Variants in FOXP2 observed in about 807,000 individuals in gnomAD.
The protein encoded by FOXP2 is forkhead box protein P2.
In FOXP2, 12 loss-of-function variants were observed where a neutral mutation model predicts 115.8. The ratio of observed to expected loss-of-function variants is 0.10; its 90% confidence interval spans 0.07 to 0.17. The LOEUF is 0.17. Ranked by LOEUF, FOXP2 falls within the 10% of genes least tolerant of loss-of-function variation. The pLI, the probability that FOXP2 is intolerant of heterozygous loss-of-function variation, is 1.00. For missense variants in FOXP2, 629 were observed against 843.5 expected, an observed-to-expected ratio of 0.75 and a Z score of 3.15; for synonymous variants, 328 against 297.7, an observed-to-expected ratio of 1.10 and a Z score of -1.05.
At chr7:114,538,413 G>C (rs772828997) in intron 3 of FOXP2, 1 of 1,255,192 alleles carries the variant, frequency 8.0e-7, no homozygotes, top group Admixed American at 2.3e-5. Context: ...TATCTTAGAT[G>C]AATATTAGTT....
At chr7:114,331,255 A>G (rs1306929182) in intron 2 of FOXP2, among the ~76,000 whole-genome samples, 1 of 152,128 alleles carries the variant, frequency 6.6e-6, no homozygotes, top group East Asian at 1.9e-4. Flanking sequence ...AAAATATACT[A>G]CCTGAGCCTG....
intron 8 of FOXP2, 113 bp from the exon 9 acceptor site, chr7:114,652,090 G>A: frequency 1.1e-6 from 1 of 937,520 alleles, no homozygotes; most frequent in Non-Finnish European, 1.7e-6. Context: ...AAGGCTTTCT[G>A]TTTTCCCAGT....
chr7:114,531,666 G>T (rs1452009885), intron 2 of FOXP2, among the ~76,000 whole-genome samples: 1 of 151,864 alleles, frequency 6.6e-6, no homozygotes, highest in African/African-American at 2.4e-5. Context: ...AAATAGGAAA[G>T]AAGTTATTTT....
At chr7:114,460,264 G>A (rs923612611) in intron 2 of FOXP2, among the ~76,000 whole-genome samples, 1 of 152,112 alleles carries the variant, frequency 6.6e-6, no homozygotes, top group Non-Finnish European at 1.5e-5. Flanking sequence ...TCTTCAGTAA[G>A]TAAGTTAGGT....
intron 2 of FOXP2, among the ~76,000 whole-genome samples, chr7:114,314,870 T>C (rs1797236870): frequency 6.6e-6 from 1 of 152,186 alleles, no homozygotes; most frequent in Non-Finnish European, 1.5e-5. Context: ...AAACTATTAA[T>C]AAAATGGATA....
intron 2 of FOXP2, among the ~76,000 whole-genome samples, chr7:114,346,094 A>G (rs951892817): frequency 2.6e-5 from 4 of 151,842 alleles, no homozygotes; most frequent in Non-Finnish European, 5.9e-5. Context: ...TTGTACTCCT[A>G]TTATGCAATT....
upstream of FOXP2, among the ~76,000 whole-genome samples, chr7:114,162,346 T>A (rs1792863089): frequency 6.6e-6 from 1 of 152,122 alleles, no homozygotes; most frequent in African/African-American, 2.4e-5. Context: ...TATGCTAGGA[T>A]GTCCAATATA....
In FOXP2 at chr7:114,690,980, G is replaced by C. The variant is rs756785808; in HGVS notation, c.*1054G>C. 3.5e-5 allele frequency: 16 copies of C among 454,450 alleles called. No homozygotes were observed. The highest frequency in any genetic ancestry group is 2.5e-4 in the South Asian group (16 of 64,478). The allele number at this position is 454,450 out of a possible 1,614,324, so 28.2% of individuals were successfully genotyped here. A position where few individuals can be genotyped will look rare whatever the true frequency, so the allele number is the denominator to read the frequency against. ...ACAGAGTAATCTTCTGAGGCCAAAA[G>C]TCCATCTAAATGCAATGAAGATTTG... is the stretch of plus-strand genomic sequence containing the variant. On this transcript the variant is annotated 3_prime_UTR_variant, in exon 17 of 17. Transcript: ENST00000350908.
chr7:114,321,190 T>TATTTATTC (rs903294768), intron 2 of FOXP2, among the ~76,000 whole-genome samples: 7 of 149,996 alleles, frequency 4.7e-5, no homozygotes, highest in African/African-American at 1.5e-4. Flanking sequence ...TTTATTTATT[T>TATTTATTC]ATTTATTTAT....
intron 2 of FOXP2, among the ~76,000 whole-genome samples, chr7:114,518,472 T>A (rs1235530248): frequency 6.6e-6 from 1 of 152,050 alleles, no homozygotes; most frequent in Admixed American, 6.6e-5. Context: ...AAGAATTGCC[T>A]GTAACAGTAA....
At chr7:114,316,492 T>C (rs1394650424) in intron 2 of FOXP2, among the ~76,000 whole-genome samples, 1 of 152,180 alleles carries the variant, frequency 6.6e-6, no homozygotes, top group Non-Finnish European at 1.5e-5. Context: ...GTGAATAATA[T>C]GCTAAGTGAT....
chr7:114,442,609 C>T (rs1794655540), intron 2 of FOXP2, among the ~76,000 whole-genome samples: 1 of 152,016 alleles, frequency 6.6e-6, no homozygotes, highest in South Asian at 2.1e-4. Context: ...AGGCACATGC[C>T]ATCATGCCTG....
intron 1 of FOXP2, among the ~76,000 whole-genome samples, chr7:114,139,482 A>G (rs879324619): frequency 6.6e-6 from 1 of 152,102 alleles, no homozygotes; most frequent in Non-Finnish European, 1.5e-5. Flanking sequence ...GTAATATGTA[A>G]ATGATTTTAT....
chr7:114,673,221 G>C (rs949744040), intron 16 of FOXP2, among the ~76,000 whole-genome samples: 8 of 152,062 alleles, frequency 5.3e-5, no homozygotes, highest in Non-Finnish European at 1.0e-4. Context: ...GAACTATAAG[G>C]GTCCTTAGAT....
At chr7:114,164,589 C>T (rs572728593) in intron 1 of FOXP2, among the ~76,000 whole-genome samples, 1 of 152,042 alleles carries the variant, frequency 6.6e-6, no homozygotes, top group Non-Finnish European at 1.5e-5. Context: ...ATCCGCCCGC[C>T]TCAGCCTCCC....
chr7:114,294,578 C>T (rs1404551410), intron 2 of FOXP2, among the ~76,000 whole-genome samples: 11 of 152,056 alleles, frequency 7.2e-5, no homozygotes. Context: ...TGGTGGCTTA[C>T]ACCTGTAATC....
chr7:114,269,895 C>T (rs1287726207), intron 1 of FOXP2, among the ~76,000 whole-genome samples: 1 of 152,128 alleles, frequency 6.6e-6, no homozygotes, highest in Admixed American at 6.6e-5. Context: ...ATCATTGATT[C>T]TTCAAACAAA....
intron 1 of FOXP2, among the ~76,000 whole-genome samples, chr7:114,113,531 G>A (rs1264470775): frequency 3.3e-5 from 5 of 152,080 alleles, no homozygotes; most frequent in Admixed American, 2.6e-4. Context: ...ACAGGTGTGT[G>A]CTACCATTTT....
intron 1 of FOXP2, among the ~76,000 whole-genome samples, chr7:114,285,243 T>A (rs1319571945): frequency 6.6e-6 from 1 of 152,090 alleles, no homozygotes; most frequent in Non-Finnish European, 1.5e-5. Flanking sequence ...AGGCACAGAG[T>A]TAAAAAATCA....
Sources: gnomAD v4.1 joint callset for allele counts (sites outside exome capture counted in the v4.1 genomes callset) on GRCh38, gnomAD v4.1.1 for gene constraint, MANE v1.5 for transcripts, NCBI Gene and HGNC (gene_info 2026-07-23, HGNC 2026-07-21) for gene names.